ZNF302: variants seen among roughly 807,000 people sequenced by gnomAD.
ZNF302 encodes zinc finger protein 327.
ZNF302 carries 12 observed loss-of-function variants against 10.8 expected under a neutral mutation model. The ratio of observed to expected loss-of-function variants is 1.11; its 90% CI spans 0.71 to 1.79. ZNF302 has a LOEUF of 1.79. Among genes scored for constraint, ZNF302 ranks in the 40% most tolerant of loss-of-function variants. The pLI is 0.00. For missense variants in ZNF302, 461 were observed against 471.1 expected (o/e 0.98, Z 0.20); for synonymous variants, 178 against 157.5 (o/e 1.13, Z -0.98).
At chr19:34,681,677 C>T (rs558361040) in intron 2 of ZNF302, 5 of 152,368 alleles carry the variant, frequency 3.3e-5, no homozygotes, top group African/African-American at 1.2e-4. Context: ...GCTGATCTGA[C>T]AGCAGGTGGA....
In ZNF302 at chr19:34,684,756, A is replaced by G. The variant is rs757888922; in HGVS notation, c.719A>G (p.His240Arg). The change falls in exon 5 of 5, where the codon CAT (histidine) becomes CGT (arginine). Residue 240 changes from histidine to arginine, a missense_variant. Transcript: ENST00000505242. ...ECRECGKTFS[H>R]GSSLTRHQIS... ...CGTGAATGTGGGAAGACTTTTAGCC[A>G]TGGTTCATCCCTTACACGACATCAG... is the stretch of plus-strand genomic sequence containing the variant. 1.1e-5 allele frequency: 17 copies of G among 1,613,936 alleles called. No homozygotes were observed. The highest frequency in any genetic ancestry group is 8.9e-5 in the East Asian group (4 of 44,886).
chr19:34,678,761 A>G lies in ZNF302; in HGVS notation c.-44A>G. The G allele has an allele frequency of 6.2e-7, 1 of 1,613,444 alleles. No individual in the cohort carries two copies. The highest frequency in any genetic ancestry group is 8.5e-7 in the Non-Finnish European group (1 of 1,179,492). ...GGACACTGCCCATCTCTAAGATAAG[A>G]ACCTGGAAAGGGGACTCTGTTGGCC... On this transcript the variant is annotated 5_prime_UTR_variant, in exon 2 of 5. Transcript: ENST00000505242.
intron 2 of ZNF302, 142 bp from the exon 3 acceptor site, chr19:34,682,635 T>G: frequency 3.2e-6 from 4 of 1,250,720 alleles, no homozygotes; most frequent in Non-Finnish European, 4.4e-6. Flanking sequence ...CTATTATTAC[T>G]TACCTGACAT....
rs779137831 is a variant in ZNF302, at chr19:34,684,380, A to C, written c.343A>C (p.Asn115His). The C allele has an allele frequency of 6.2e-7, 1 of 1,605,696 alleles. No individual in the cohort carries two copies. Among genetic ancestry groups the C allele is most frequent in the South Asian group, 1.1e-5 (1 of 88,364 alleles). Residue 115 changes from asparagine to histidine, a missense_variant, in exon 5 of 5, where the codon AAT becomes CAT. Physicochemically the swap from Asn to His is moderately conservative, Grantham distance 68. Coordinates refer to ENST00000505242, the MANE Select transcript of ZNF302 (RefSeq NM_001289187.2). ...TTATGAATTTTCAAATTCTAATAAG[A>C]ATTTGGAATATACAGAATGCGACAC... ...QSYEFSNSNK[N>H]LEYTECDTFR... is the part of the protein sequence containing the mutation.
At chr19:34,678,893 C>G in intron 2 of ZNF302, 80 bp downstream of exon 2, 2 of 1,556,892 alleles carry the variant, frequency 1.3e-6, no homozygotes, top group Non-Finnish European at 1.8e-6. Context: ...CTGCCTGTTC[C>G]CACCTAATCA....
At chr19:34,677,161 A>AAC, upstream of ZNF302, 1 of 5,276 alleles carries the variant, frequency 1.9e-4, no homozygotes, top group Non-Finnish European at 5.0e-4. Flanking sequence ...AATGAGTGCC[A>AAC]AAAAAAAAAA....
At position 34,677,725 on chromosome 19, in the gene ZNF302, G is replaced by C. The variant is rs548736638; in HGVS notation, c.-447G>C. The C allele has an allele frequency of 1.3e-5, 2 of 152,324 alleles. No homozygotes were observed. The highest frequency in any genetic ancestry group is 1.5e-5 in the Non-Finnish European group (1 of 68,110). 9.4% of individuals were successfully genotyped at this position (152,324 alleles called of 1,614,324 possible). On this transcript the variant is annotated 5_prime_UTR_variant, in exon 1 of 5. Transcript: ENST00000505242. ...GCCTGGCGGCGGCTTCCAAGCTAAG[G>C]AACGGTTTGGGGCAGTGTCGTTCCC... is the stretch of plus-strand genomic sequence containing the variant.
At chr19:34,679,571 C>G in intron 2 of ZNF302, among the ~76,000 whole-genome samples, 1 of 152,186 alleles carries the variant, frequency 6.6e-6, no homozygotes. Flanking sequence ...AATATTCTTC[C>G]CCCACATACG....
intron 4 of ZNF302, 81 bp from the exon 5 acceptor site, chr19:34,684,171 T>TTAA: frequency 1.1e-6 from 1 of 876,860 alleles, no homozygotes; most frequent in Non-Finnish European, 1.4e-6. Flanking sequence ...TTTCAAGAAG[T>TTAA]AAAAAAAAAA....
In ZNF302 at chr19:34,684,846, C is replaced by G. The variant is rs374360236; in HGVS notation, c.809C>G (p.Ser270Ter). 9.9e-6 allele frequency: 16 copies of G among 1,613,694 alleles called. No homozygotes were observed. Among genetic ancestry groups the G allele is most frequent in the Admixed American group, 1.7e-5 (1 of 59,984 alleles). The stretch of plus-strand genomic sequence containing the variant: ...TGTGGGAAGGCCTTTAGCCATGGCT[C>G]ATCACTTACTAACCATCAGAGCACT... Reference protein sequence around the residue: ...IECGKAFSHGSSLTNHQSTHT... With the variant: ...IECGKAFSHG Residue 270 changes from serine to a stop codon, truncating the protein, a stop_gained, in exon 5 of 5, where the codon TCA becomes TGA. Coordinates refer to ENST00000505242, the MANE Select transcript of ZNF302 (RefSeq NM_001289187.2). LOFTEE classifies it low-confidence loss of function (END_TRUNC).
At chr19:34,684,203 A>ATGC in intron 4 of ZNF302, 49 bp from the exon 5 acceptor site, 2 of 918,434 alleles carry the variant, frequency 2.2e-6, no homozygotes, top group Non-Finnish European at 2.9e-6. Flanking sequence ...AAAAAAAAAA[A>ATGC]AAAAAAAAAA....
In ZNF302 at chr19:34,685,754, G is replaced by T; in HGVS notation, c.*517G>T. ...AACATGGGAGACTTTTAGCAATGAT[G>T]CAGATTTTTTTATTAGAGTTTATAC... is the stretch of plus-strand genomic sequence containing the variant. On this transcript the variant is annotated 3_prime_UTR_variant, in exon 5 of 5. Transcript: ENST00000505242. 1 of 555,568 alleles carries T rather than the reference G, an allele frequency of 1.8e-6. No homozygotes were observed. Among genetic ancestry groups the T allele is most frequent in the Non-Finnish European group, 3.3e-6 (1 of 306,176 alleles). 34.4% of individuals were successfully genotyped at this position (555,568 alleles called of 1,614,324 possible).
chr19:34,679,128 CAAGTG>C (rs2068192970), intron 2 of ZNF302, among the ~76,000 whole-genome samples: 1 of 152,346 alleles, frequency 6.6e-6, no homozygotes, highest in Admixed American at 6.5e-5. Context: ...CATGTGGTCT[CAAGTG>C]AAGAGATGTT....
At position 34,685,143 on chromosome 19, in the gene ZNF302, A is replaced by G. The variant is rs749279541; in HGVS notation, c.1106A>G (p.Tyr369Cys). 1.7e-5 allele frequency: 27 copies of G among 1,611,228 alleles called. No individual in the cohort carries two copies. Among genetic ancestry groups the G allele is most frequent in the Non-Finnish European group, 2.3e-5 (27 of 1,179,100 alleles). Residue 369 changes from tyrosine (Y) to cysteine (C), a missense_variant, in exon 5 of 5, where the codon TAT (tyrosine) becomes TGT (cysteine). Tyr to Cys is a radical substitution (Grantham distance 194, BLOSUM62 -2). Coordinates refer to ENST00000505242, the MANE Select transcript of ZNF302 (RefSeq NM_001289187.2). ...HQRIHSMKKK[Y>C]ECNKCLKVFS... ...AGAATTCACAGTATGAAGAAAAAAT[A>G]TGAATGCAACAAATGTCTCAAGGTC...
rs762592628 is a variant in ZNF302, at chr19:34,686,342, AAAATG to A, written c.*1106_*1110del. 3.4e-4 allele frequency: 52 copies of A among 152,348 alleles called. No homozygotes were observed. Among genetic ancestry groups the A allele is most frequent in the Middle Eastern group, 3.4e-3 (1 of 294 alleles). The allele number at this position is 152,348 out of a possible 1,614,324, so 9.4% of individuals were successfully genotyped here. On this transcript the variant is annotated 3_prime_UTR_variant, in exon 5 of 5. Transcript: ENST00000505242. The stretch of plus-strand genomic sequence containing the variant: ...TAAAAATTAAAGCTGCAAAAGAAAT[AAAATG>A]GTGTTAATAAAAATTTGGCATCTAA...
At chr19:34,676,619 G>C (rs568892811), upstream of ZNF302, 1 of 152,048 alleles carries the variant, frequency 6.6e-6, no homozygotes, top group African/African-American at 2.4e-5. Flanking sequence ...CTCTCCCATG[G>C]ATTTTTTCTT....
chr19:34,679,233 G>C (rs1181580137), intron 2 of ZNF302, among the ~76,000 whole-genome samples: 1 of 152,082 alleles, frequency 6.6e-6, no homozygotes, highest in Non-Finnish European at 1.5e-5. Flanking sequence ...TACAGCATCT[G>C]ACCATTAGTT....
Position 34,684,878 on chromosome 19 carries a change from G to T in ZNF302, c.841G>T (p.Gly281Ter). 2 of 1,613,912 alleles carry T rather than the reference G, an allele frequency of 1.2e-6. No individual in the cohort carries two copies. The highest frequency in any genetic ancestry group is 4.5e-5 in the East Asian group (2 of 44,880). Residue 281 changes from glycine (G) to a stop codon, truncating the protein, a stop_gained, in exon 5 of 5, where the codon GGA becomes TGA. Coordinates refer to ENST00000505242, the MANE Select transcript of ZNF302 (RefSeq NM_001289187.2). LOFTEE classifies it low-confidence loss of function (END_TRUNC). ...TACTAACCATCAGAGCACTCACACG[G>T]GAGAGAAACCGTATGAATGTATGAA... ...SLTNHQSTHT[G>*]EKPYECMNCG...
intron 2 of ZNF302, among the ~76,000 whole-genome samples, chr19:34,680,830 T>G (rs1044747932): frequency 1.3e-5 from 2 of 152,236 alleles, no homozygotes; most frequent in Non-Finnish European, 2.9e-5. Context: ...AAATCTTACT[T>G]GAGGATAAGT....
Sources: allele counts gnomAD v4.1 joint callset (sites outside exome capture counted in the v4.1 genomes callset), GRCh38; gene constraint gnomAD v4.1.1; transcripts MANE v1.5; gene names NCBI Gene and HGNC (gene_info 2026-07-23, HGNC 2026-07-21).